Variants in CCDC85A observed in about 807,000 individuals in gnomAD.
CCDC85A encodes the protein coiled-coil domain-containing protein 85A.
Under a neutral mutation model 50.2 loss-of-function variants are expected in CCDC85A, and 38 were observed. That is an observed-to-expected ratio of 0.76 (90% confidence interval 0.58 to 0.99). The LOEUF (loss-of-function observed/expected upper bound fraction) is 0.99. Among genes scored for constraint, CCDC85A ranks in the 50% least tolerant of loss-of-function variants. The probability of loss-of-function intolerance (pLI) is 0.00; values close to 1 mark genes in which losing one functional copy is unlikely to be tolerated. For missense variants in CCDC85A, 820 were observed against 742.0 expected (o/e 1.11, Z -1.22); for synonymous variants, 366 against 301.4 (o/e 1.21, Z -2.22).
chr2:56,207,935 C>T (rs1359372845), intron 2 of CCDC85A, among the ~76,000 whole-genome samples: 1 of 152,138 alleles, frequency 6.6e-6, no homozygotes, highest in Non-Finnish European at 1.5e-5. Context: ...ACTCTTTGGA[C>T]ATAATTCATG....
intron 1 of CCDC85A, among the ~76,000 whole-genome samples, chr2:56,187,714 T>C (rs936861458): frequency 6.6e-6 from 1 of 152,202 alleles, no homozygotes; most frequent in African/African-American, 2.4e-5. Flanking sequence ...TCCTTTTCTT[T>C]TGGCTAGTTG....
At chr2:56,326,779 A>G (rs1673493800) in intron 2 of CCDC85A, among the ~76,000 whole-genome samples, 1 of 152,120 alleles carries the variant, frequency 6.6e-6, no homozygotes, top group African/African-American at 2.4e-5. Flanking sequence ...GCAAGCATTC[A>G]ATAATTTGTT....
intron 3 of CCDC85A, among the ~76,000 whole-genome samples, chr2:56,350,630 T>A (rs2104342489): frequency 6.6e-6 from 1 of 152,230 alleles, no homozygotes; most frequent in African/African-American, 2.4e-5. Flanking sequence ...GATGCTGTGA[T>A]TTCCAGTAGA....
In CCDC85A at chr2:56,350,821, T is replaced by C. The variant is rs1248088125; in HGVS notation, c.1317+7866T>C. On this transcript the variant is annotated intron_variant, in intron 3 of 5. Transcript: ENST00000407595. ...TAGTCAGCCATCCTATTGATAGATATTTTTTTTCAGTTTCTTTTTTATTTA... is the reference window on the plus strand; with the variant it reads ...TAGTCAGCCATCCTATTGATAGATACTTTTTTTCAGTTTCTTTTTTATTTA... Among the ~76,000 whole-genome samples the C allele has an allele frequency of 2.7e-5, 4 of 149,496 alleles. No homozygotes were observed. The East Asian group carries it at 5.8e-4, about 22-fold the overall frequency.
chr2:56,380,816 T>C (rs758554908), intron 5 of CCDC85A, among the ~76,000 whole-genome samples: 1 of 152,106 alleles, frequency 6.6e-6, no homozygotes, highest in African/African-American at 2.4e-5. Flanking sequence ...TGGAATATTA[T>C]AGAGGAAGCC....
intron 2 of CCDC85A, among the ~76,000 whole-genome samples, chr2:56,262,727 T>A (rs1670272855): frequency 6.6e-6 from 1 of 152,234 alleles, no homozygotes; most frequent in Admixed American, 6.5e-5. Context: ...TATTGCTATC[T>A]CTTGCATCTC....
chr2:56,238,117 C>T (rs10188465), intron 2 of CCDC85A, among the ~76,000 whole-genome samples: 14 of 151,922 alleles, frequency 9.2e-5, no homozygotes, highest in Admixed American at 1.3e-4. Context: ...TACTGCCAGA[C>T]GGTAGCAGGA....
At chr2:56,360,040 G>A (rs375372219) in intron 3 of CCDC85A, among the ~76,000 whole-genome samples, 1 of 152,168 alleles carries the variant, frequency 6.6e-6, no homozygotes, top group African/African-American at 2.4e-5. Flanking sequence ...AGGACTGATT[G>A]ACATCAGAAG....
intron 3 of CCDC85A, among the ~76,000 whole-genome samples, chr2:56,361,707 G>A (rs1675535508): frequency 6.6e-6 from 1 of 152,172 alleles, no homozygotes; most frequent in Admixed American, 6.5e-5. Flanking sequence ...AGAATAAAAT[G>A]AGATGAAGTT....
intron 2 of CCDC85A, among the ~76,000 whole-genome samples, chr2:56,322,790 C>G (rs1039964275): frequency 1.3e-5 from 2 of 152,140 alleles, no homozygotes; most frequent in African/African-American, 4.8e-5. Flanking sequence ...CATCCCATTA[C>G]TGGGCATATA....
At chr2:56,187,416 G>T (rs1305770025) in intron 1 of CCDC85A, among the ~76,000 whole-genome samples, 1 of 152,220 alleles carries the variant, frequency 6.6e-6, no homozygotes, top group Non-Finnish European at 1.5e-5. Flanking sequence ...GGGGCCTGTG[G>T]CCGGGTCCTA....
At chr2:56,282,790 G>A (rs369799599) in intron 2 of CCDC85A, among the ~76,000 whole-genome samples, 49 of 152,338 alleles carry the variant, frequency 3.2e-4, no homozygotes, top group African/African-American at 8.9e-4. Context: ...GATTACAGGC[G>A]TGAGCCACCA....
chr2:56,295,809 A>G (rs80147053), intron 2 of CCDC85A, among the ~76,000 whole-genome samples: 3,267 of 152,260 alleles, frequency 0.021, 106 homozygotes, highest in African/African-American at 0.073. Context: ...TCCCTCCCCT[A>G]TCATAACAGC....
At chr2:56,372,871 T>C (rs2104392410) in intron 4 of CCDC85A, among the ~76,000 whole-genome samples, 1 of 152,350 alleles carries the variant, frequency 6.6e-6, no homozygotes, top group East Asian at 1.9e-4. Flanking sequence ...ATGTGTAGCT[T>C]GAAAACAAGC....
intron 3 of CCDC85A, among the ~76,000 whole-genome samples, chr2:56,356,840 C>T (rs1220549997): frequency 6.6e-6 from 1 of 150,804 alleles, no homozygotes; most frequent in African/African-American, 2.4e-5. Context: ...GAGGCCGAGG[C>T]TTGTGGATCA....
At chr2:56,354,076 G>A (rs137988597) in intron 3 of CCDC85A, among the ~76,000 whole-genome samples, 6 of 152,254 alleles carry the variant, frequency 3.9e-5, no homozygotes, top group Admixed American at 2.6e-4. Context: ...AATAAAAGAA[G>A]CCATGACATT....
chr2:56,342,582 G>A (rs1674426405), intron 2 of CCDC85A, among the ~76,000 whole-genome samples: 1 of 151,980 alleles, frequency 6.6e-6, no homozygotes, highest in Admixed American at 6.6e-5. Flanking sequence ...TTTCTTATTG[G>A]TTTGTAAGAG....
At chr2:56,306,618 A>G (rs904713165) in intron 2 of CCDC85A, among the ~76,000 whole-genome samples, 2 of 152,228 alleles carry the variant, frequency 1.3e-5, no homozygotes, top group African/African-American at 4.8e-5. Context: ...AGTATAAATT[A>G]TAAATGCTTT....
At chr2:56,300,468 G>C (rs919978028) in intron 2 of CCDC85A, among the ~76,000 whole-genome samples, 9 of 152,146 alleles carry the variant, frequency 5.9e-5, no homozygotes, top group African/African-American at 2.2e-4. Context: ...TTCCCAATAG[G>C]GGCAGTTTTA....
Sources: gnomAD v4.1 joint callset for allele counts (sites outside exome capture counted in the v4.1 genomes callset) on GRCh38, gnomAD v4.1.1 for gene constraint, MANE v1.5 for transcripts, NCBI Gene and HGNC (gene_info 2026-07-23, HGNC 2026-07-21) for gene names.